Variants in VGLL4 observed in about 807,000 individuals in gnomAD.
The protein encoded by VGLL4 is transcription cofactor vestigial-like protein 4.
VGLL4 carries 7 observed loss-of-function variants against 21.0 expected under a neutral mutation model. That is an observed-to-expected ratio of 0.33 (90% confidence interval 0.19 to 0.63). The LOEUF (loss-of-function observed/expected upper bound fraction) is 0.63. Among genes scored for constraint, VGLL4 ranks in the 20% least tolerant of loss-of-function variants. The pLI is 0.78. For synonymous variants in VGLL4, 222 were observed against 173.2 expected (o/e 1.28, Z -2.21); for missense variants, 394 against 425.7 (o/e 0.93, Z 0.66).
At chr3:11,716,156 G>C (rs1220305313) in intron 1 of VGLL4, among the ~76,000 whole-genome samples, 1 of 152,088 alleles carries the variant, frequency 6.6e-6, no homozygotes, top group South Asian at 2.1e-4. Context: ...ACAAAAATTA[G>C]CCAGGTGTGG....
intron 2 of VGLL4, among the ~76,000 whole-genome samples, chr3:11,666,861 T>C (rs531817976): frequency 9.0e-4 from 137 of 152,214 alleles, no homozygotes; most frequent in African/African-American, 3.1e-3. Context: ...GCTACAACCC[T>C]CCTCTGTGCT....
Position 11,643,810 on chromosome 3 carries a change from T to C in VGLL4, c.-292A>G. 1 of 1,106,384 alleles carries C rather than the reference T, an allele frequency of 9.0e-7. No homozygotes were observed. The highest frequency in any genetic ancestry group is 1.1e-6 in the Non-Finnish European group (1 of 907,390). 68.5% of individuals were successfully genotyped at this position (1,106,384 alleles called of 1,614,324 possible). On this transcript the variant is annotated 5_prime_UTR_variant, in exon 1 of 5. Transcript: ENST00000430365. ...AGTCCTTACAAGTCCTTCCTGGAAA[T>C]GGAAAAGAGTGAAAAAGAGAAACGC... is the stretch of plus-strand genomic sequence containing the variant.
At chr3:11,712,614 C>T (rs1357912265) in intron 1 of VGLL4, among the ~76,000 whole-genome samples, 5 of 152,152 alleles carry the variant, frequency 3.3e-5, no homozygotes, top group African/African-American at 1.2e-4. Context: ...AAGTGACTTC[C>T]TGAAGCAACT....
chr3:11,658,539 T>A (rs548887596), intron 2 of VGLL4, among the ~76,000 whole-genome samples: 25 of 151,854 alleles, frequency 1.6e-4, no homozygotes, highest in Non-Finnish European at 3.2e-4. Context: ...CACTGCAATA[T>A]GTTTGCTGTT....
Position 11,719,841 on chromosome 3 carries a change from A to T in VGLL4, c.-14+553T>A, listed in dbSNP as rs2076969428. Among the ~76,000 whole-genome samples the T allele has an allele frequency of 1.3e-5, 2 of 151,078 alleles. No individual in the cohort carries two copies. The highest frequency in any genetic ancestry group is 1.3e-4 in the Admixed American group (2 of 15,222). ...GTGCCAGCTCGCACCTCCCGGGCCG[A>T]TGCCGGCGCGCTGGGGCAGTGAGGT... On this transcript the variant is annotated intron_variant, in intron 1 of 5. Coordinates refer to the VGLL4 transcript ENST00000273038. The surrounding 1 kb of genome is among the most constrained non-coding windows in gnomAD (Gnocchi z 4.0).
At chr3:11,608,885 G>A (rs956237676) in intron 1 of VGLL4, among the ~76,000 whole-genome samples, 10 of 151,814 alleles carry the variant, frequency 6.6e-5, no homozygotes, top group East Asian at 3.9e-4. Flanking sequence ...TTTTGGAGAC[G>A]GAGTCTCACT....
intron 3 of VGLL4, among the ~76,000 whole-genome samples, chr3:11,560,036 A>C (rs2072836213): frequency 6.6e-6 from 1 of 151,914 alleles, no homozygotes; most frequent in Non-Finnish European, 1.5e-5. Flanking sequence ...TGCCCTGTGC[A>C]CAGCCTCACT....
At chr3:11,640,396 G>A (rs1433475042) in intron 1 of VGLL4, among the ~76,000 whole-genome samples, 2 of 152,160 alleles carry the variant, frequency 1.3e-5, no homozygotes, top group Non-Finnish European at 2.9e-5. Flanking sequence ...GCAAAACTGG[G>A]CTTCAAGTGG....
At chr3:11,677,846 A>G (rs2076315778) in intron 2 of VGLL4, among the ~76,000 whole-genome samples, 1 of 146,842 alleles carries the variant, frequency 6.8e-6, no homozygotes, top group Admixed American at 7.1e-5. Flanking sequence ...CGGAGGTTGC[A>G]GTGAGCTGAG....
chr3:11,615,285 A>C (rs2075141198), intron 1 of VGLL4, among the ~76,000 whole-genome samples: 1 of 152,168 alleles, frequency 6.6e-6, no homozygotes, highest in Admixed American at 6.5e-5. Flanking sequence ...TGAAGTTGTC[A>C]TGTTTCTTTA....
At chr3:11,707,396 C>A (rs2076778262) in intron 1 of VGLL4, among the ~76,000 whole-genome samples, 2 of 147,248 alleles carry the variant, frequency 1.4e-5, no homozygotes, top group South Asian at 4.4e-4. Flanking sequence ...GAGAGGGTGA[C>A]TCCAGAAGTT....
intron 1 of VGLL4, among the ~76,000 whole-genome samples, chr3:11,704,127 T>TC (rs1187540973): frequency 2.6e-5 from 4 of 152,102 alleles, no homozygotes; most frequent in Non-Finnish European, 4.4e-5. Flanking sequence ...ACGCCTGTAA[T>TC]CCCAGCACTT....
intron 2 of VGLL4, among the ~76,000 whole-genome samples, chr3:11,689,506 C>T (rs2076497065): frequency 6.6e-6 from 1 of 152,182 alleles, no homozygotes; most frequent in Non-Finnish European, 1.5e-5. Flanking sequence ...TTTTTCACAA[C>T]AGGCTACTTA....
chr3:11,631,528 A>C (rs1261378673), intron 1 of VGLL4, among the ~76,000 whole-genome samples: 1 of 152,172 alleles, frequency 6.6e-6, no homozygotes, highest in African/African-American at 2.4e-5. Flanking sequence ...TGTCTGCCTT[A>C]AGGATCTATA....
chr3:11,675,150 T>G (rs1330087627), intron 2 of VGLL4, among the ~76,000 whole-genome samples: 1 of 152,182 alleles, frequency 6.6e-6, no homozygotes, highest in Non-Finnish European at 1.5e-5. Context: ...GAGACCAGCC[T>G]GGCCAACATG....
At chr3:11,628,420 C>T (rs944949549) in intron 1 of VGLL4, among the ~76,000 whole-genome samples, 3 of 151,368 alleles carry the variant, frequency 2.0e-5, no homozygotes, top group Admixed American at 6.6e-5. Context: ...AAAGAAACAT[C>T]GAATTGTACC....
chr3:11,718,783 C>A (rs73813016), intron 1 of VGLL4, among the ~76,000 whole-genome samples: 2,011 of 152,188 alleles, frequency 0.013, 46 homozygotes, highest in African/African-American at 0.045. Context: ...CTTCCCCACA[C>A]CCCTACCCTC....
chr3:11,569,241 G>A (rs1389181347), intron 2 of VGLL4, among the ~76,000 whole-genome samples: 1 of 152,194 alleles, frequency 6.6e-6, no homozygotes, highest in African/African-American at 2.4e-5. Flanking sequence ...AGCCTGCGCT[G>A]GGCTTCATTC....
At chr3:11,675,202 C>T (rs771434943) in intron 2 of VGLL4, among the ~76,000 whole-genome samples, 4 of 151,992 alleles carry the variant, frequency 2.6e-5, no homozygotes, top group Non-Finnish European at 4.4e-5. Flanking sequence ...ATTAGCCAGT[C>T]GTAGTGGCAG....
Sources: gnomAD v4.1 joint callset for allele counts (sites outside exome capture counted in the v4.1 genomes callset) on GRCh38, gnomAD v4.1.1 for gene constraint, Gnocchi (gnomAD v3.1) non-coding constraint, MANE v1.5 for transcripts, NCBI Gene and HGNC (gene_info 2026-07-23, HGNC 2026-07-21) for gene names.